FARP1: variants seen among roughly 807,000 people sequenced by gnomAD.
FARP1 encodes FERM, ARHGEF and pleckstrin domain-containing protein 1.
FARP1 carries 52 observed loss-of-function variants against 128.8 expected under a neutral mutation model. The observed-to-expected ratio is 0.40, with a 90% CI of 0.32 to 0.51. FARP1 has a LOEUF of 0.51. FARP1 is among the 20% of genes least tolerant of loss of function. FARP1 has a pLI of 0.45. For synonymous variants in FARP1, 580 were observed against 551.8 expected (o/e 1.05, Z -0.72); for missense variants, 1,333 against 1,367.9 (o/e 0.97, Z 0.40).
intron 2 of FARP1, among the ~76,000 whole-genome samples, chr13:98,290,653 T>C (rs1003692150): frequency 4.6e-5 from 7 of 152,040 alleles, no homozygotes; most frequent in Non-Finnish European, 7.4e-5. Flanking sequence ...GGCTGCTGAG[T>C]TGGGACAGTA....
intron 2 of FARP1, among the ~76,000 whole-genome samples, chr13:98,228,532 CG>C (rs1312187960): frequency 6.6e-6 from 1 of 151,842 alleles, no homozygotes; most frequent in Non-Finnish European, 1.5e-5. Context: ...TACCATTCAT[CG>C]CATCATTTGG....
At chr13:98,286,417 A>T (rs1885169730) in intron 2 of FARP1, among the ~76,000 whole-genome samples, 1 of 152,164 alleles carries the variant, frequency 6.6e-6, no homozygotes, top group Non-Finnish European at 1.5e-5. Flanking sequence ...CCCATGGGAG[A>T]TAATTGAATC....
At chr13:98,346,320 G>T (rs1169265022) in intron 3 of FARP1, among the ~76,000 whole-genome samples, 1 of 151,212 alleles carries the variant, frequency 6.6e-6, no homozygotes, top group Non-Finnish European at 1.5e-5. Flanking sequence ...CTCCTGAGTA[G>T]CTGGGATTAC....
At chr13:98,217,325 T>TA (rs1449750591) in intron 2 of FARP1, among the ~76,000 whole-genome samples, 1 of 152,140 alleles carries the variant, frequency 6.6e-6, no homozygotes, top group African/African-American at 2.4e-5. Flanking sequence ...AAAAGACACC[T>TA]AGTGCCTGTC....
At chr13:98,208,079 A>G (rs1880403385) in intron 1 of FARP1, among the ~76,000 whole-genome samples, 1 of 152,090 alleles carries the variant, frequency 6.6e-6, no homozygotes, top group Non-Finnish European at 1.5e-5. Flanking sequence ...CTAATGAGTG[A>G]ATGAACCAAA....
chr13:98,345,664 T>C (rs1888150810), intron 3 of FARP1: 1 of 152,252 alleles, frequency 6.6e-6, no homozygotes, highest in Non-Finnish European at 1.5e-5. Flanking sequence ...GTGCTTCCTA[T>C]GTGCTGGAGT....
At chr13:98,223,349 C>T (rs1003436804) in intron 2 of FARP1, among the ~76,000 whole-genome samples, 1 of 152,220 alleles carries the variant, frequency 6.6e-6, no homozygotes, top group African/African-American at 2.4e-5. Context: ...TTGTTTGAGA[C>T]AGAGTCTTGC....
In FARP1 at chr13:98,262,296, C is replaced by T. The variant is rs532256799; in HGVS notation, c.171+48883C>T. Among the ~76,000 whole-genome samples the T allele has an allele frequency of 4.0e-5, 6 of 151,746 alleles. No homozygotes were observed. The East Asian group carries it at 1.2e-3, about 29-fold the overall frequency. On this transcript the variant is annotated intron_variant, in intron 2 of 26. Transcript: ENST00000319562. Reference sequence around the variant, plus strand: ...TTAGCCTCTCAAAGTGCTGGGATTACAGGCATGAGCCACTATGCCTGGCAA... The same window carrying T: ...TTAGCCTCTCAAAGTGCTGGGATTATAGGCATGAGCCACTATGCCTGGCAA...
intron 5 of FARP1, among the ~76,000 whole-genome samples, chr13:98,373,017 G>C (rs549846812): frequency 6.6e-6 from 1 of 152,206 alleles, no homozygotes; most frequent in Non-Finnish European, 1.5e-5. Context: ...GGTAAGAAAA[G>C]TGGACAGAGT....
At position 98,275,631 on chromosome 13, in the gene FARP1, T is replaced by C. The variant is rs1322912661; in HGVS notation, c.171+62218T>C. 1.3e-3 allele frequency among the ~76,000 whole-genome samples: 181 copies of C among 137,720 alleles called. 1 individual carries two copies. The highest frequency in any genetic ancestry group is 5.0e-3 in the African/African-American group (166 of 33,136). 90.3% of individuals were successfully genotyped at this position (137,720 alleles called of 152,430 possible). ...CCCACTTCTTTTCTCTTTCTCTCTT[T>C]TTTTTTTTTTTTTTTGCATCTCTGA... On this transcript the variant is annotated intron_variant, in intron 2 of 26. Transcript: ENST00000319562.
chr13:98,286,503 T>TTC, intron 2 of FARP1, among the ~76,000 whole-genome samples: 1 of 152,102 alleles, frequency 6.6e-6, no homozygotes, highest in East Asian at 1.9e-4. Context: ...TATAAGGGGG[T>TTC]TCTGCTTTTG....
chr13:98,434,345 AGCAAGGCC>A (rs1892167197), intron 18 of FARP1: 3 of 152,320 alleles, frequency 2.0e-5, no homozygotes, highest in Admixed American at 6.5e-5. Context: ...CTGAAAATCG[AGCAAGGCC>A]TGGGATTTGT....
intron 1 of FARP1, among the ~76,000 whole-genome samples, chr13:98,150,813 G>T (rs1413654783): frequency 6.6e-6 from 1 of 152,080 alleles, no homozygotes; most frequent in Admixed American, 6.6e-5. Flanking sequence ...GCAAAAAAGT[G>T]TTTAAGATTA....
In FARP1 at chr13:98,176,061, T is replaced by G. The variant is rs775399101; in HGVS notation, c.-24+32569T>G. 4 of 1,030,578 alleles carry G rather than the reference T, an allele frequency of 3.9e-6. No homozygotes were observed. The highest frequency in any genetic ancestry group is 5.9e-6 in the Non-Finnish European group (4 of 673,168). The allele number at this position is 1,030,578 out of a possible 1,614,324, so 63.8% of individuals were successfully genotyped here. On this transcript the variant is annotated intron_variant, in intron 1 of 26. Coordinates refer to ENST00000319562, the MANE Select transcript of FARP1 (RefSeq NM_005766.4). This position sits in a 1 kb window ranked among gnomAD's most constrained non-coding sequence, Gnocchi z 6.2. ...CTTTGAGATCCGGATTTCAATTCTT[T>G]TGGTTACATACTCAGGCATGGGATT...
intron 4 of FARP1, among the ~76,000 whole-genome samples, chr13:98,366,634 G>A (rs3858775): frequency 1.3e-5 from 2 of 152,050 alleles, no homozygotes; most frequent in Non-Finnish European, 2.9e-5. Context: ...TGCTGTGACA[G>A]GCCATGTGTG....
At chr13:98,380,806 T>C (rs1889865048) in intron 6 of FARP1, among the ~76,000 whole-genome samples, 1 of 152,168 alleles carries the variant, frequency 6.6e-6, no homozygotes, top group African/African-American at 2.4e-5. Flanking sequence ...CTCAAACTCC[T>C]GAGCTCAAGT....
intron 2 of FARP1, among the ~76,000 whole-genome samples, chr13:98,232,145 GTTTTTTTTTTT>G (rs59209045): frequency 1.9e-5 from 2 of 105,790 alleles, no homozygotes; most frequent in Non-Finnish European, 1.9e-5. Flanking sequence ...TGTTTGGTTG[GTTTTTTTTTTT>G]TTTTTTTTTT....
At chr13:98,222,363 C>G (rs1253985503) in intron 2 of FARP1, among the ~76,000 whole-genome samples, 1 of 152,214 alleles carries the variant, frequency 6.6e-6, no homozygotes. Context: ...TGTGCCAAGT[C>G]TGCCCGTACA....
intron 1 of FARP1, among the ~76,000 whole-genome samples, chr13:98,206,506 C>T (rs547007007): frequency 6.6e-6 from 1 of 152,320 alleles, no homozygotes; most frequent in East Asian, 1.9e-4. Flanking sequence ...TGAGCAGCCT[C>T]TCCAAGCATT....
Sources: gnomAD v4.1 joint callset for allele counts (sites outside exome capture counted in the v4.1 genomes callset) on GRCh38, gnomAD v4.1.1 for gene constraint, Gnocchi (gnomAD v3.1) non-coding constraint, MANE v1.5 for transcripts, NCBI Gene and HGNC (gene_info 2026-07-23, HGNC 2026-07-21) for gene names.